EDIL3: variants seen among roughly 807,000 people sequenced by gnomAD.
EDIL3 encodes the protein EGF like and discoidin domains 3, also known as EGF-like repeat and discoidin I-like domain-containing protein 3.
A neutral mutation model predicts 67.4 loss-of-function variants in EDIL3; 37 were observed. The ratio of observed to expected loss-of-function variants is 0.55; its 90% CI spans 0.42 to 0.72. The LOEUF (loss-of-function observed/expected upper bound fraction) is 0.72. Ranked by LOEUF, EDIL3 falls within the 30% of genes least tolerant of loss-of-function variation. The probability of loss-of-function intolerance (pLI) is 0.00; values close to 1 mark genes in which losing one functional copy is unlikely to be tolerated. For synonymous variants in EDIL3, 195 were observed against 196.3 expected, an observed-to-expected ratio of 0.99 and a Z score of 0.05; for missense variants, 527 against 586.3, an observed-to-expected ratio of 0.90 and a Z score of 1.04.
intron 2 of EDIL3, among the ~76,000 whole-genome samples, chr5:84,252,255 G>A (rs778291390): frequency 1.2e-4 from 18 of 151,938 alleles, no homozygotes; most frequent in Non-Finnish European, 2.2e-4. Flanking sequence ...ACTTTGGGAG[G>A]CCGAGGTGGG....
chr5:84,173,087 G>A (rs1330370322), intron 4 of EDIL3, among the ~76,000 whole-genome samples: 2 of 152,196 alleles, frequency 1.3e-5, no homozygotes, highest in African/African-American at 4.8e-5. Flanking sequence ...GATCTGAGAA[G>A]GAGAAATCTG....
At chr5:84,221,001 T>C (rs1744330920) in intron 3 of EDIL3, among the ~76,000 whole-genome samples, 1 of 152,150 alleles carries the variant, frequency 6.6e-6, no homozygotes, top group Non-Finnish European at 1.5e-5. Flanking sequence ...AGAAATATCA[T>C]TGAGCCAACC....
chr5:84,290,958 A>G (rs985857), intron 1 of EDIL3, among the ~76,000 whole-genome samples: 64,135 of 152,000 alleles, frequency 0.42, 13,775 homozygotes, highest in South Asian at 0.5. Context: ...TTGTGATTTC[A>G]GCTTTAGTCT....
At chr5:84,351,483 C>G (rs897868004) in intron 1 of EDIL3, among the ~76,000 whole-genome samples, 6 of 152,122 alleles carry the variant, frequency 3.9e-5, no homozygotes, top group Non-Finnish European at 8.8e-5. Context: ...AAGATCCTTT[C>G]AGGGATCATT....
intron 1 of EDIL3, among the ~76,000 whole-genome samples, chr5:84,337,731 A>G (rs1220322215): frequency 6.6e-6 from 1 of 152,192 alleles, no homozygotes; most frequent in Admixed American, 6.6e-5. Flanking sequence ...TTTCATCATG[A>G]TAAATGATGA....
rs941587626 is a variant in EDIL3, at chr5:84,289,470, G to T, written c.68-35258C>A. ...CATTTTCTCTTAACGAGCTCTTTCTGCTCAGCATTGATAAATGCTCAAATC... is the reference window on the plus strand; with the variant it reads ...CATTTTCTCTTAACGAGCTCTTTCTTCTCAGCATTGATAAATGCTCAAATC... On this transcript the variant is annotated intron_variant, in intron 1 of 10. Coordinates refer to ENST00000296591, the MANE Select transcript of EDIL3 (RefSeq NM_005711.5). Among the ~76,000 whole-genome samples, 3 of 152,010 alleles carry T rather than the reference G, an allele frequency of 2.0e-5. 1 individual carries two copies. Among genetic ancestry groups the T allele is most frequent in the African/African-American group, 4.8e-5 (2 of 41,394 alleles).
intron 1 of EDIL3, among the ~76,000 whole-genome samples, chr5:84,366,523 G>C (rs192111450): frequency 6.6e-6 from 1 of 152,130 alleles, no homozygotes; most frequent in Admixed American, 6.6e-5. Context: ...TCTGTGATCT[G>C]TTTTGTACAT....
intron 2 of EDIL3, among the ~76,000 whole-genome samples, chr5:84,241,516 A>C (rs1744793416): frequency 6.6e-6 from 1 of 152,194 alleles, no homozygotes; most frequent in Non-Finnish European, 1.5e-5. Flanking sequence ...CTAATTATGC[A>C]AGCCTTACCT....
chr5:84,299,676 A>T (rs2112128658), intron 1 of EDIL3, among the ~76,000 whole-genome samples: 1 of 152,278 alleles, frequency 6.6e-6, no homozygotes, highest in South Asian at 2.1e-4. Context: ...TAGTTTTCAT[A>T]TGTACAAAGT....
intron 1 of EDIL3, among the ~76,000 whole-genome samples, chr5:84,328,350 C>A (rs564512007): frequency 2.0e-5 from 3 of 151,972 alleles, no homozygotes; most frequent in African/African-American, 7.2e-5. Flanking sequence ...TGCTTCCCCC[C>A]GTCACTACCA....
chr5:84,243,243 C>T (rs1744834182), intron 2 of EDIL3, among the ~76,000 whole-genome samples: 1 of 152,206 alleles, frequency 6.6e-6, no homozygotes, highest in Non-Finnish European at 1.5e-5. Context: ...GTCCTAATAA[C>T]CAGCAGGGCT....
intron 2 of EDIL3, among the ~76,000 whole-genome samples, chr5:84,236,391 T>G (rs1200952612): frequency 1.3e-5 from 2 of 152,086 alleles, no homozygotes; most frequent in Non-Finnish European, 2.9e-5. Flanking sequence ...ATAAGGGGAC[T>G]TACAATTCAA....
chr5:83,951,433 C>T (rs1032823001), intron 10 of EDIL3, among the ~76,000 whole-genome samples: 8 of 151,764 alleles, frequency 5.3e-5, no homozygotes, highest in Admixed American at 3.9e-4. Flanking sequence ...TACTACACCA[C>T]AAATTTGATG....
chr5:84,046,399 C>CA (rs1262339367), intron 9 of EDIL3, among the ~76,000 whole-genome samples: 3 of 152,136 alleles, frequency 2.0e-5, no homozygotes, highest in African/African-American at 7.2e-5. Context: ...TGAGTCACTT[C>CA]AATCATTATA....
chr5:84,332,445 A>C (rs1455786853), intron 1 of EDIL3, among the ~76,000 whole-genome samples: 1 of 152,194 alleles, frequency 6.6e-6, no homozygotes, highest in African/African-American at 2.4e-5. Context: ...AGTTGAAAAC[A>C]ATTTCAGAGG....
At chr5:84,059,339 G>A (rs950525119) in intron 9 of EDIL3, among the ~76,000 whole-genome samples, 2 of 152,148 alleles carry the variant, frequency 1.3e-5, no homozygotes, top group Non-Finnish European at 2.9e-5. Flanking sequence ...GGAATTTAAG[G>A]CAACAGTGAG....
chr5:84,262,399 G>A (rs1183711211), intron 1 of EDIL3, among the ~76,000 whole-genome samples: 1 of 151,810 alleles, frequency 6.6e-6, no homozygotes, highest in Non-Finnish European at 1.5e-5. Flanking sequence ...CCTTTAATTG[G>A]GAGAAAGGCA....
chr5:84,087,987 G>C (rs979275830), intron 6 of EDIL3, among the ~76,000 whole-genome samples: 6 of 152,120 alleles, frequency 3.9e-5, no homozygotes, highest in Non-Finnish European at 5.9e-5. Flanking sequence ...GTCCCATGTG[G>C]CTGGAACTCA....
intron 5 of EDIL3, among the ~76,000 whole-genome samples, chr5:84,127,065 C>A (rs1747881226): frequency 6.6e-6 from 1 of 152,060 alleles, no homozygotes; most frequent in Admixed American, 6.6e-5. Flanking sequence ...GAACAAACCA[C>A]CACAAATATC....
Sources: gnomAD v4.1 joint callset for allele counts (sites outside exome capture counted in the v4.1 genomes callset) on GRCh38, gnomAD v4.1.1 for gene constraint, MANE v1.5 for transcripts, NCBI Gene and HGNC (gene_info 2026-07-23, HGNC 2026-07-21) for gene names.